The following MPP7 variants were observed in gnomAD, a reference collection of about 807,000 sequenced individuals.
MPP7 encodes MAGUK p55 scaffold protein 7, also known as MAGUK p55 subfamily member 7.
A neutral mutation model predicts 76.5 loss-of-function variants in MPP7; 60 were observed. The ratio of observed to expected loss-of-function variants is 0.78; its 90% confidence interval spans 0.64 to 0.97. MPP7 has a LOEUF of 0.97. MPP7 is among the 50% of genes least tolerant of loss of function. MPP7 has a pLI of 0.00. For missense variants in MPP7, 641 were observed against 694.0 expected (o/e 0.92, Z 0.86); for synonymous variants, 237 against 244.5 (o/e 0.97, Z 0.29).
intron 3 of MPP7, among the ~76,000 whole-genome samples, chr10:28,162,309 T>C (rs1459941851): frequency 6.6e-6 from 1 of 152,084 alleles, no homozygotes; most frequent in African/African-American, 2.4e-5. Flanking sequence ...CACACCCTAC[T>C]CAGAATCCCA....
At chr10:28,299,969 G>C (rs538375513) in intron 1 of MPP7, among the ~76,000 whole-genome samples, 4 of 151,876 alleles carry the variant, frequency 2.6e-5, no homozygotes, top group African/African-American at 2.4e-5. Flanking sequence ...GGGTTTCACC[G>C]TGTTAGCCAG....
At chr10:28,137,891 G>A (rs1382604763) in intron 5 of MPP7, among the ~76,000 whole-genome samples, 1 of 152,068 alleles carries the variant, frequency 6.6e-6, no homozygotes, top group Non-Finnish European at 1.5e-5. Flanking sequence ...TGGAACCCCT[G>A]GAGTCAACTT....
intron 11 of MPP7, among the ~76,000 whole-genome samples, chr10:28,104,101 C>A (rs989347867): frequency 6.6e-6 from 1 of 151,782 alleles, no homozygotes; most frequent in Non-Finnish European, 1.5e-5. Flanking sequence ...AAAGAGAAGA[C>A]AAAAGGGAAG....
intron 3 of MPP7, among the ~76,000 whole-genome samples, chr10:28,170,053 AT>A (rs1183023204): frequency 1.3e-5 from 2 of 152,208 alleles, no homozygotes; most frequent in Admixed American, 1.3e-4. Flanking sequence ...ATTACTATAG[AT>A]TTCAGTAGAT....
intron 1 of MPP7, among the ~76,000 whole-genome samples, chr10:28,247,230 T>C (rs536321555): frequency 6.6e-6 from 1 of 152,202 alleles, no homozygotes; most frequent in Non-Finnish European, 1.5e-5. Flanking sequence ...ACAAAGATGA[T>C]TTCATGTGTT....
At chr10:28,207,420 G>A (rs957945222) in intron 2 of MPP7, among the ~76,000 whole-genome samples, 17 of 152,238 alleles carry the variant, frequency 1.1e-4, no homozygotes, top group Non-Finnish European at 1.8e-4. Context: ...TTGGGGGCTG[G>A]GCACAGTGGC....
At chr10:28,118,675 C>T in intron 11 of MPP7, 2 of 985,366 alleles carry the variant, frequency 2.0e-6, no homozygotes, top group Non-Finnish European at 2.4e-6. Flanking sequence ...TGTGCCTAGA[C>T]TTAATGTAGC....
chr10:28,259,864 T>C (rs1440196103), intron 1 of MPP7, among the ~76,000 whole-genome samples: 1 of 151,762 alleles, frequency 6.6e-6, no homozygotes, highest in Non-Finnish European at 1.5e-5. Flanking sequence ...GCCCCTGTAA[T>C]GCCAACTGCT....
At chr10:28,241,666 C>A (rs1394909155) in intron 1 of MPP7, among the ~76,000 whole-genome samples, 1 of 151,970 alleles carries the variant, frequency 6.6e-6, no homozygotes, top group Non-Finnish European at 1.5e-5. Context: ...GAGGGATTAC[C>A]GAATATTCTT....
At chr10:28,076,070 T>A (rs911942186) in intron 12 of MPP7, among the ~76,000 whole-genome samples, 6 of 152,216 alleles carry the variant, frequency 3.9e-5, no homozygotes, top group Non-Finnish European at 7.3e-5. Context: ...GATAATCTGC[T>A]CAAGTTAACC....
chr10:28,170,914 C>T (rs2133866178), intron 3 of MPP7, among the ~76,000 whole-genome samples: 1 of 152,286 alleles, frequency 6.6e-6, no homozygotes, highest in East Asian at 1.9e-4. Context: ...TATCCTCTCA[C>T]ATGACGAGAT....
intron 3 of MPP7, among the ~76,000 whole-genome samples, chr10:28,150,547 T>C (rs574350694): frequency 3.9e-5 from 6 of 152,310 alleles, no homozygotes; most frequent in African/African-American, 1.4e-4. Context: ...GCACTATTTG[T>C]GCCTGGGTGC....
At chr10:28,135,523 G>A (rs1373538611) in intron 5 of MPP7, among the ~76,000 whole-genome samples, 1 of 152,144 alleles carries the variant, frequency 6.6e-6, no homozygotes, top group Non-Finnish European at 1.5e-5. Context: ...GTCATATACA[G>A]GGCAGTCCCC....
At chr10:28,062,357 T>A (rs894655268) in intron 13 of MPP7, among the ~76,000 whole-genome samples, 25 of 151,988 alleles carry the variant, frequency 1.6e-4, no homozygotes, top group African/African-American at 5.8e-4. Flanking sequence ...AGTAAAAAGC[T>A]AATCCAGAGA....
At chr10:28,127,566 G>A (rs1835058106) in intron 6 of MPP7, among the ~76,000 whole-genome samples, 1 of 152,184 alleles carries the variant, frequency 6.6e-6, no homozygotes, top group African/African-American at 2.4e-5. Context: ...CAAACAGAGA[G>A]CTTGTGCAGG....
chr10:28,294,973 A>G (rs1446326689), intron 1 of MPP7, among the ~76,000 whole-genome samples: 1 of 152,186 alleles, frequency 6.6e-6, no homozygotes, highest in East Asian at 1.9e-4. Context: ...GTTTCCCCCT[A>G]GAGTGGCTGG....
intron 2 of MPP7, among the ~76,000 whole-genome samples, chr10:28,325,804 A>G (rs184168487): frequency 6.6e-6 from 1 of 152,034 alleles, no homozygotes; most frequent in Non-Finnish European, 1.5e-5. Flanking sequence ...GCAAGACCAC[A>G]TTTCTACAAA....
intron 11 of MPP7, among the ~76,000 whole-genome samples, chr10:28,108,883 C>T (rs11006874): frequency 0.16 from 23,556 of 151,908 alleles, 2,765 homozygotes; most frequent in East Asian, 0.37. Flanking sequence ...TAGAATTTTT[C>T]CCTGCCAGTA....
At chr10:28,107,350 G>T (rs967700740) in intron 11 of MPP7, among the ~76,000 whole-genome samples, 1 of 152,126 alleles carries the variant, frequency 6.6e-6, no homozygotes, top group Non-Finnish European at 1.5e-5. Context: ...ACAGTCATCA[G>T]ATAGTGCTTT....
Sources: gnomAD v4.1 joint callset for allele counts (sites outside exome capture counted in the v4.1 genomes callset) on GRCh38, gnomAD v4.1.1 for gene constraint, MANE v1.5 for transcripts, NCBI Gene and HGNC (gene_info 2026-07-23, HGNC 2026-07-21) for gene names.